The following AKT3 variants were observed in gnomAD, a reference collection of about 807,000 sequenced individuals.
AKT3 encodes the protein AKT serine/threonine kinase 3.
AKT3 carries 15 observed loss-of-function variants against 65.3 expected under a neutral mutation model. The ratio of observed to expected loss-of-function variants is 0.23; its 90% CI spans 0.15 to 0.35. The LOEUF (loss-of-function observed/expected upper bound fraction) is 0.35, where lower values mean the gene tolerates loss of function less well. Ranked by LOEUF, AKT3 falls within the 10% of genes least tolerant of loss-of-function variation. The pLI is 1.00. For missense variants in AKT3, 243 were observed against 576.5 expected (o/e 0.42, Z 5.92); for synonymous variants, 206 against 183.8 (o/e 1.12, Z -0.98).
At chr1:243,789,387 T>A (rs1691475338) in intron 2 of AKT3, among the ~76,000 whole-genome samples, 1 of 152,134 alleles carries the variant, frequency 6.6e-6, no homozygotes, top group African/African-American at 2.4e-5. Context: ...ACTTTGTCTT[T>A]AAAAAAATCT....
At chr1:243,573,899 TGGACAACATACATGAAGAAAGAGCA>T (rs1180409165) in intron 8 of AKT3, among the ~76,000 whole-genome samples, 1 of 152,150 alleles carries the variant, frequency 6.6e-6, no homozygotes, top group African/African-American at 2.4e-5. Context: ...TTATCTCAAT[TGGACAACATACATGAAGAAAGAGCA>T]GGTTTCAGGC....
intron 6 of AKT3, among the ~76,000 whole-genome samples, chr1:243,626,721 A>G (rs1242963612): frequency 6.6e-6 from 1 of 152,220 alleles, no homozygotes; most frequent in African/African-American, 2.4e-5. Context: ...AGCAGAGGCA[A>G]TAACTAGAAA....
In AKT3 at chr1:243,800,857, C is replaced by G. The variant is rs1441952950; in HGVS notation, c.46+42268G>C. On this transcript the variant is annotated intron_variant, in intron 2 of 13. Coordinates refer to ENST00000673466, the MANE Select transcript of AKT3 (RefSeq NM_005465.7). The stretch of plus-strand genomic sequence containing the variant: ...TAAAATACAATGATATGCACCATTT[C>G]TGCCCTATAAATATCATATAATTAA... Among the ~76,000 whole-genome samples the G allele has an allele frequency of 4.6e-5, 7 of 152,184 alleles. No individual in the cohort carries two copies. The East Asian group carries it at 9.6e-4, about 21-fold the overall frequency.
intron 12 of AKT3, among the ~76,000 whole-genome samples, chr1:243,519,054 C>T (rs542976450): frequency 1.8e-4 from 27 of 152,282 alleles, no homozygotes; most frequent in Non-Finnish European, 3.2e-4. Flanking sequence ...AAATGGATAA[C>T]TTATTTTAAG....
chr1:243,652,155 T>C lies in AKT3; in HGVS notation c.285-6118A>G, dbSNP rs112428571. ...CCTCTGCCTCCTGGGTTCAAGAGAT[T>C]GTCTGCCTCAGAATCCCAAGTAGCT... On this transcript the variant is annotated intron_variant, in intron 4 of 13. Transcript: ENST00000673466. 4.7e-3 allele frequency among the ~76,000 whole-genome samples: 708 copies of C among 152,006 alleles called. 10 individuals are homozygous for C. The highest frequency in any genetic ancestry group is 0.016 in the African/African-American group (656 of 41,476).
Position 243,696,194 on chromosome 1 carries a change from CTT to C in AKT3, c.47-480_47-479del, listed in dbSNP as rs1310704957. On this transcript the variant is annotated intron_variant, in intron 2 of 13. Transcript: ENST00000673466. ...AAAAAGTCTATTTTCATTAATAAAT[CTT>C]GACTGTAACTTGTTTAAGCAACATT... Among the ~76,000 whole-genome samples, 4 of 150,814 alleles carry C rather than the reference CTT, an allele frequency of 2.7e-5. No homozygotes were observed. In the East Asian group the frequency reaches 7.8e-4, roughly 29 times the overall value.
rs1270894056 is a variant in AKT3, at chr1:243,505,318, C to T, written c.1371G>A (p.Met457Ile). ...TPPEKYDEDG[M>I]DCMDNERRPH... ...GCCGCCTCTCATTGTCCATGCAGTC[C>T]ATACCATCCTCATCATCTGTGGGCA... Residue 457 changes from methionine (M) to isoleucine (I), a missense_variant, in exon 14 of 14, where the codon ATG becomes ATA. By Grantham distance (10) the Met-to-Ile change is conservative. Coordinates refer to ENST00000673466, the MANE Select transcript of AKT3 (RefSeq NM_005465.7). 3 of 1,614,054 alleles carry T rather than the reference C, an allele frequency of 1.9e-6. No individual in the cohort carries two copies. Among genetic ancestry groups the T allele is most frequent in the Non-Finnish European group, 2.5e-6 (3 of 1,179,956 alleles).
chr1:243,609,087 A>C (rs1375815776), intron 8 of AKT3, among the ~76,000 whole-genome samples: 1 of 152,050 alleles, frequency 6.6e-6, no homozygotes. Flanking sequence ...CCTGGGCAGC[A>C]TAAATGGCAA....
chr1:243,786,951 C>A lies in AKT3; in HGVS notation c.46+56174G>T, dbSNP rs186267886. 2.8e-3 allele frequency among the ~76,000 whole-genome samples: 432 copies of A among 152,248 alleles called. 1 individual carries two copies. Among genetic ancestry groups the A allele is most frequent in the Non-Finnish European group, 5.3e-3 (359 of 68,018 alleles). On this transcript the variant is annotated intron_variant, in intron 2 of 13. Coordinates refer to ENST00000673466, the MANE Select transcript of AKT3 (RefSeq NM_005465.7). ...AAAAAAGAAGAGGCCCATGTAAGAACTGACCTGAGAACACAGTGTGTATTC... is the reference window on the plus strand; with the variant it reads ...AAAAAAGAAGAGGCCCATGTAAGAAATGACCTGAGAACACAGTGTGTATTC...
chr1:243,634,394 C>T (rs759691990), intron 6 of AKT3, among the ~76,000 whole-genome samples: 1 of 151,864 alleles, frequency 6.6e-6, no homozygotes. Flanking sequence ...GTAAATTAGG[C>T]ACATCCTTTA....
At chr1:243,618,806 T>C (rs929299315) in intron 6 of AKT3, among the ~76,000 whole-genome samples, 1 of 152,090 alleles carries the variant, frequency 6.6e-6, no homozygotes, top group Admixed American at 6.6e-5. Flanking sequence ...CGATCTAAAG[T>C]TCTCCTTTCA....
intron 12 of AKT3, among the ~76,000 whole-genome samples, chr1:243,515,440 T>C (rs899492939): frequency 6.6e-6 from 1 of 152,186 alleles, no homozygotes; most frequent in Non-Finnish European, 1.5e-5. Flanking sequence ...TCATTTTTTG[T>C]TTAAATAAGT....
chr1:243,749,138 C>A (rs913329844), intron 2 of AKT3, among the ~76,000 whole-genome samples: 1 of 152,024 alleles, frequency 6.6e-6, no homozygotes, highest in Non-Finnish European at 1.5e-5. Context: ...AATCCCTGAT[C>A]ATTCTATATT....
At position 243,768,809 on chromosome 1, in the gene AKT3, C is replaced by A. The variant is rs192186031; in HGVS notation, c.47-73093G>T. On this transcript the variant is annotated intron_variant, in intron 2 of 13. Coordinates refer to ENST00000673466, the MANE Select transcript of AKT3 (RefSeq NM_005465.7). The stretch of plus-strand genomic sequence containing the variant: ...AAGATCACGCCTGTGTACTCCAGTC[C>A]GGGCAAGACAGTGATCCGCCACAAA... Among the ~76,000 whole-genome samples, 155 of 140,296 alleles carry A rather than the reference C, an allele frequency of 1.1e-3. 1 individual carries two copies. The highest frequency in any genetic ancestry group is 2.0e-3 in the Non-Finnish European group (135 of 66,508). 92.0% of individuals were successfully genotyped at this position (140,296 alleles called of 152,430 possible). A position where few individuals can be genotyped will look rare whatever the true frequency, so the allele number is the denominator to read the frequency against.
At chr1:243,528,119 G>A (rs890923036) in intron 12 of AKT3, among the ~76,000 whole-genome samples, 1 of 152,026 alleles carries the variant, frequency 6.6e-6, no homozygotes, top group Non-Finnish European at 1.5e-5. Flanking sequence ...GGTTAGCTAT[G>A]CTTCAGAGAT....
At chr1:243,582,328 A>G (rs528813534) in intron 8 of AKT3, among the ~76,000 whole-genome samples, 1 of 152,018 alleles carries the variant, frequency 6.6e-6, no homozygotes, top group South Asian at 2.1e-4. Context: ...AGAAAAAAAA[A>G]TCTTAAAGGC....
chr1:243,728,643 G>A (rs1260887536), intron 2 of AKT3, among the ~76,000 whole-genome samples: 1 of 152,166 alleles, frequency 6.6e-6, no homozygotes, highest in African/African-American at 2.4e-5. Flanking sequence ...GTCATATGCT[G>A]TCAGTTCTTC....
At chr1:243,755,436 C>G (rs903843922) in intron 2 of AKT3, among the ~76,000 whole-genome samples, 1 of 151,942 alleles carries the variant, frequency 6.6e-6, no homozygotes, top group African/African-American at 2.4e-5. Context: ...ATGTGCAAAC[C>G]CACCTGAAGC....
intron 2 of AKT3, among the ~76,000 whole-genome samples, chr1:243,762,782 G>C (rs777918783): frequency 6.6e-6 from 1 of 152,022 alleles, no homozygotes; most frequent in Non-Finnish European, 1.5e-5. Context: ...GAACGAACCA[G>C]AGCTTTCAGG....
Sources: allele counts gnomAD v4.1 joint callset (sites outside exome capture counted in the v4.1 genomes callset), GRCh38; gene constraint gnomAD v4.1.1; transcripts MANE v1.5; gene names NCBI Gene and HGNC (gene_info 2026-07-23, HGNC 2026-07-21).